ATP2B2: variants seen among roughly 807,000 people sequenced by gnomAD.
ATP2B2 encodes plasma membrane calcium-transporting ATPase 2.
ATP2B2 carries 15 observed loss-of-function variants against 120.0 expected under a neutral mutation model. The ratio of observed to expected loss-of-function variants is 0.12; its 90% confidence interval spans 0.08 to 0.19. The LOEUF is 0.19. ATP2B2 is among the 10% of genes least tolerant of loss of function. The probability of loss-of-function intolerance (pLI) is 1.00; values close to 1 mark genes in which losing one functional copy is unlikely to be tolerated. For synonymous variants in ATP2B2, 694 were observed against 700.3 expected, an observed-to-expected ratio of 0.99 and a Z score of 0.14; for missense variants, 1,045 against 1,719.8, an observed-to-expected ratio of 0.61 and a Z score of 6.94.
At chr3:10,608,569 G>A (rs570347400) in intron 2 of ATP2B2, among the ~76,000 whole-genome samples, 4 of 152,304 alleles carry the variant, frequency 2.6e-5, no homozygotes, top group East Asian at 1.9e-4. Context: ...CAGACCTGCC[G>A]AGCCCGTCAC....
intron 1 of ATP2B2, among the ~76,000 whole-genome samples, chr3:10,634,258 C>G (rs930596649): frequency 3.9e-5 from 6 of 152,234 alleles, no homozygotes; most frequent in African/African-American, 9.6e-5. Flanking sequence ...AAGTGATGCA[C>G]AAGGCATCTG....
intron 2 of ATP2B2, among the ~76,000 whole-genome samples, chr3:10,591,939 T>C (rs892538403): frequency 6.6e-6 from 1 of 152,132 alleles, no homozygotes; most frequent in Non-Finnish European, 1.5e-5. Flanking sequence ...AAGGGGCATC[T>C]AGAATTAATA....
chr3:10,644,620 C>T (rs1376978628), intron 1 of ATP2B2, among the ~76,000 whole-genome samples: 1 of 152,174 alleles, frequency 6.6e-6, no homozygotes, highest in East Asian at 1.9e-4. Context: ...CACCTAAATG[C>T]TAAATGAAAA....
intron 1 of ATP2B2, among the ~76,000 whole-genome samples, chr3:10,679,647 T>C (rs111304282): frequency 0.021 from 3,147 of 152,288 alleles, 39 homozygotes; most frequent in South Asian, 0.07. Context: ...TGTGGCTTTA[T>C]CTCCAGCAGG....
At chr3:10,454,380 A>G (rs999927905) in intron 1 of ATP2B2, among the ~76,000 whole-genome samples, 4 of 152,206 alleles carry the variant, frequency 2.6e-5, no homozygotes, top group Admixed American at 2.6e-4. Flanking sequence ...TGAAATACAC[A>G]ACTGTCTGCT....
At chr3:10,331,911 C>A in intron 22 of ATP2B2, 1 of 1,427,040 alleles carries the variant, frequency 7.0e-7, no homozygotes, top group South Asian at 1.2e-5. Context: ...GAATGTTTAC[C>A]CGGCTTCAAG....
At chr3:10,582,004 C>T (rs981038221) in intron 2 of ATP2B2, among the ~76,000 whole-genome samples, 6 of 152,330 alleles carry the variant, frequency 3.9e-5, no homozygotes, top group South Asian at 2.1e-4. Context: ...ATTTGCTGGG[C>T]GCACAATGTG....
At chr3:10,440,130 A>AAG (rs2063613826) in intron 2 of ATP2B2, among the ~76,000 whole-genome samples, 2 of 135,876 alleles carry the variant, frequency 1.5e-5, no homozygotes, top group Admixed American at 7.5e-5. Flanking sequence ...AAAAAAAAAA[A>AAG]GGAGTGTCTC....
rs529387766 is a variant in ATP2B2, at chr3:10,338,044, G to T, written c.3420+132C>A. On this transcript the variant is annotated intron_variant, in intron 22 of 22. Transcript: ENST00000360273. ...GTGTGCAAGTGGCTGGTGAGAGCTG[G>T]CCGGGACCCCTCTGTAGCCACCCTC... is the stretch of plus-strand genomic sequence containing the variant. 4 of 1,189,366 alleles carry T rather than the reference G, an allele frequency of 3.4e-6. No individual in the cohort carries two copies. In the African/African-American group the frequency reaches 4.5e-5, roughly 13 times the overall value. 73.7% of individuals were successfully genotyped at this position (1,189,366 alleles called of 1,614,324 possible).
rs946031247 is a variant in ATP2B2 at position 10,343,028 on chromosome 3, G to A, written c.2704-63C>T. The A allele has an allele frequency of 1.7e-5, 27 of 1,560,840 alleles. No homozygotes were observed. Among genetic ancestry groups the A allele is most frequent in the Non-Finnish European group, 2.3e-5 (26 of 1,136,442 alleles). ...CACCTGCTGCTGTGAAGTGCTGGGC[G>A]GGCTCATGGTGTAGTGTCCGCAGGC... On this transcript the variant is annotated intron_variant, in intron 18 of 22. Coordinates refer to ENST00000360273, the MANE Select transcript of ATP2B2 (RefSeq NM_001001331.4). This position sits in a 1 kb window ranked among gnomAD's most constrained non-coding sequence, Gnocchi z 4.2.
At chr3:10,518,618 C>T (rs559346890) in intron 3 of ATP2B2, among the ~76,000 whole-genome samples, 2 of 152,232 alleles carry the variant, frequency 1.3e-5, no homozygotes, top group African/African-American at 2.4e-5. Flanking sequence ...AGCCAAGCGC[C>T]GCTGCGGCCG....
chr3:10,586,943 T>C (rs754568637), intron 2 of ATP2B2, among the ~76,000 whole-genome samples: 4 of 152,122 alleles, frequency 2.6e-5, no homozygotes, highest in Non-Finnish European at 4.4e-5. Context: ...GTCCTCCCCA[T>C]CTCTGCCTCA....
chr3:10,612,971 G>T (rs1270818361), intron 2 of ATP2B2, among the ~76,000 whole-genome samples: 1 of 152,166 alleles, frequency 6.6e-6, no homozygotes, highest in Non-Finnish European at 1.5e-5. Context: ...AGTCAGGATG[G>T]GGGCTGGGCA....
At chr3:10,564,673 T>G (rs1045830438) in intron 2 of ATP2B2, among the ~76,000 whole-genome samples, 1 of 152,212 alleles carries the variant, frequency 6.6e-6, no homozygotes, top group Non-Finnish European at 1.5e-5. Context: ...GCCTTGCTAC[T>G]CCTTTATGTG....
chr3:10,616,132 G>A (rs535346393), intron 2 of ATP2B2, among the ~76,000 whole-genome samples: 1 of 152,166 alleles, frequency 6.6e-6, no homozygotes, highest in Non-Finnish European at 1.5e-5. Flanking sequence ...CCAGGAACAA[G>A]CTGTCCCTGT....
intron 1 of ATP2B2, among the ~76,000 whole-genome samples, chr3:10,680,977 T>G (rs183693842): frequency 2.0e-5 from 3 of 152,278 alleles, no homozygotes; most frequent in Admixed American, 6.5e-5. Flanking sequence ...TGTCCTCTTA[T>G]AGTGAGTGTG....
intron 1 of ATP2B2, among the ~76,000 whole-genome samples, chr3:10,696,955 T>G (rs1428104208): frequency 6.6e-6 from 1 of 152,246 alleles, no homozygotes; most frequent in African/African-American, 2.4e-5. Flanking sequence ...TATTAAATTT[T>G]TATGATATGC....
chr3:10,654,768 T>C (rs2070567230), intron 1 of ATP2B2, among the ~76,000 whole-genome samples: 1 of 107,228 alleles, frequency 9.3e-6, no homozygotes, highest in Non-Finnish European at 2.0e-5. Flanking sequence ...TGAAATCTCT[T>C]GGGAAGCTGG....
At chr3:10,627,769 T>C (rs2069746617) in intron 1 of ATP2B2, among the ~76,000 whole-genome samples, 1 of 152,164 alleles carries the variant, frequency 6.6e-6, no homozygotes, top group South Asian at 2.1e-4. Flanking sequence ...TCTGGGAATG[T>C]GGTGGTGAGC....
Sources: allele counts gnomAD v4.1 joint callset (sites outside exome capture counted in the v4.1 genomes callset), GRCh38; gene constraint gnomAD v4.1.1; non-coding constraint Gnocchi (gnomAD v3.1); transcripts MANE v1.5; gene names NCBI Gene and HGNC (gene_info 2026-07-23, HGNC 2026-07-21).